The following RAPGEF2 variants were observed in gnomAD, a reference collection of about 807,000 sequenced individuals.
RAPGEF2 encodes the protein PDZ domain containing guanine nucleotide exchange factor (GEF) 1.
RAPGEF2 carries 54 observed loss-of-function variants against 186.7 expected under a neutral mutation model. The observed-to-expected ratio is 0.29, with a 90% CI of 0.23 to 0.36. RAPGEF2 has a LOEUF of 0.36. RAPGEF2 is among the 10% of genes least tolerant of loss of function. The pLI, the probability that RAPGEF2 is intolerant of heterozygous loss-of-function variation, is 1.00. For synonymous variants in RAPGEF2, 712 were observed against 705.9 expected, an observed-to-expected ratio of 1.01 and a Z score of -0.14; for missense variants, 1,532 against 2,045.0, an observed-to-expected ratio of 0.75 and a Z score of 4.84.
intron 3 of RAPGEF2, among the ~76,000 whole-genome samples, chr4:159,206,704 G>C (rs1750027084): frequency 6.6e-6 from 1 of 152,212 alleles, no homozygotes; most frequent in African/African-American, 2.4e-5. Context: ...TAAGTGAAAA[G>C]AGTAAGCGTG....
intron 8 of RAPGEF2, among the ~76,000 whole-genome samples, chr4:159,313,605 T>C (rs1044042285): frequency 6.6e-6 from 1 of 152,216 alleles, no homozygotes; most frequent in African/African-American, 2.4e-5. Flanking sequence ...GAGAATCGTA[T>C]GGGCTATGAT....
intron 7 of RAPGEF2, among the ~76,000 whole-genome samples, chr4:159,254,372 A>G (rs1037391141): frequency 6.6e-6 from 1 of 152,222 alleles, no homozygotes; most frequent in African/African-American, 2.4e-5. Flanking sequence ...GTTTGACTTT[A>G]TGAACTCTTA....
At position 159,103,911 on chromosome 4, in the gene RAPGEF2, A is replaced by G. The variant is rs1737469825; in HGVS notation, c.-252A>G. 1 of 153,870 alleles carries G rather than the reference A, an allele frequency of 6.5e-6. No homozygotes were observed. The highest frequency in any genetic ancestry group is 6.6e-5 in the Admixed American group (1 of 15,264). The allele number at this position is 153,870 out of a possible 1,614,324, so 9.5% of individuals were successfully genotyped here. ...AAGGGGAGTTCCGCCTGCGGGCCGCATCGCACGGCAGCCTAGGGGCGCCGC... is the reference window on the plus strand; with the variant it reads ...AAGGGGAGTTCCGCCTGCGGGCCGCGTCGCACGGCAGCCTAGGGGCGCCGC... On this transcript the variant is annotated 5_prime_UTR_variant, in exon 1 of 30. Transcript: ENST00000691494.
intron 1 of RAPGEF2, among the ~76,000 whole-genome samples, chr4:159,178,088 A>G (rs936180510): frequency 6.6e-5 from 10 of 152,214 alleles, no homozygotes; most frequent in Non-Finnish European, 1.3e-4. Context: ...GACCATTAAG[A>G]AAGACTTTTT....
chr4:159,355,831 T>C (rs1026330960), intron 28 of RAPGEF2, 22 bp from the exon 29 acceptor site: 8 of 1,523,590 alleles, frequency 5.3e-6, no homozygotes, highest in Non-Finnish European at 6.2e-6. Flanking sequence ...TTTTTAATGC[T>C]GGTGCATTGT....
Position 159,286,836 on chromosome 4 carries a change from T to G in RAPGEF2, c.544-17506T>G, listed in dbSNP as rs371315646. On this transcript the variant is annotated intron_variant, in intron 7 of 29. Coordinates refer to ENST00000691494, the MANE Select transcript of RAPGEF2 (RefSeq NM_001394067.2). ...ATTATTCTAATTCTCTGCCAAACAT[T>G]GATTATTATATTTTGGGTTTTTGTT... 5.3e-5 allele frequency among the ~76,000 whole-genome samples: 8 copies of G among 152,334 alleles called. No individual in the cohort carries two copies. The East Asian group carries it at 1.2e-3, about 22-fold the overall frequency.
chr4:159,158,793 A>G (rs909685578), intron 1 of RAPGEF2, among the ~76,000 whole-genome samples: 2 of 152,230 alleles, frequency 1.3e-5, no homozygotes, highest in Non-Finnish European at 1.5e-5. Flanking sequence ...GTTATTTGCC[A>G]GGTTGGACCT....
At chr4:159,288,680 C>T (rs1760806149) in intron 7 of RAPGEF2, among the ~76,000 whole-genome samples, 1 of 152,154 alleles carries the variant, frequency 6.6e-6, no homozygotes, top group African/African-American at 2.4e-5. Context: ...ATTTGTACCA[C>T]TCAGCCTTTC....
intron 19 of RAPGEF2, 152 bp from the exon 20 acceptor site, chr4:159,341,412 A>T: frequency 1.4e-6 from 1 of 727,246 alleles, no homozygotes; most frequent in Non-Finnish European, 2.2e-6. Flanking sequence ...CTGAGATAGC[A>T]GCTGTGCTGT....
chr4:159,253,915 C>A (rs1258059331), intron 7 of RAPGEF2, among the ~76,000 whole-genome samples: 1 of 152,034 alleles, frequency 6.6e-6, no homozygotes, highest in Non-Finnish European at 1.5e-5. Context: ...TGGCAGTGAG[C>A]CTGGGGAACA....
intron 1 of RAPGEF2, among the ~76,000 whole-genome samples, chr4:159,164,926 A>AC (rs1745139593): frequency 6.6e-6 from 1 of 152,222 alleles, no homozygotes; most frequent in South Asian, 2.1e-4. Context: ...TTGCAAGCAC[A>AC]CAGGATGGTA....
intron 3 of RAPGEF2, among the ~76,000 whole-genome samples, chr4:159,198,437 TTTCTTTC>T (rs1749051629): frequency 6.7e-6 from 1 of 150,368 alleles, no homozygotes; most frequent in Non-Finnish European, 1.5e-5. Flanking sequence ...TCTCTCTTTC[TTTCTTTC>T]TTCTTACTGT....
At position 159,248,559 on chromosome 4, in the gene RAPGEF2, A is replaced by G. The variant is rs571989818; in HGVS notation, c.543+4768A>G. Among the ~76,000 whole-genome samples the G allele has an allele frequency of 2.8e-4, 43 of 152,336 alleles. 1 individual carries two copies. The highest frequency in any genetic ancestry group is 4.9e-4 in the Non-Finnish European group (33 of 68,032). The stretch of plus-strand genomic sequence containing the variant: ...CTCTGAACAATGGGTGGATGTAACA[A>G]TACTGTGCTGTGTGTGCTGCAATTT... On this transcript the variant is annotated intron_variant, in intron 7 of 29. Coordinates refer to ENST00000691494, the MANE Select transcript of RAPGEF2 (RefSeq NM_001394067.2).
intron 25 of RAPGEF2, 73 bp from the exon 26 acceptor site, chr4:159,350,063 GT>G: frequency 9.1e-7 from 1 of 1,100,024 alleles, no homozygotes. Flanking sequence ...ACACAAAAAA[GT>G]TTTTTATTCA....
At chr4:159,298,213 T>G (rs749022651) in intron 7 of RAPGEF2, among the ~76,000 whole-genome samples, 1 of 152,168 alleles carries the variant, frequency 6.6e-6, no homozygotes, top group Non-Finnish European at 1.5e-5. Flanking sequence ...CATGACACAT[T>G]TAGAAAACTT....
chr4:159,299,304 G>A (rs992935645), intron 7 of RAPGEF2, among the ~76,000 whole-genome samples: 1 of 151,910 alleles, frequency 6.6e-6, no homozygotes, highest in Admixed American at 6.6e-5. Flanking sequence ...AGATTAGTTT[G>A]GGAAATTATC....
intron 4 of RAPGEF2, among the ~76,000 whole-genome samples, chr4:159,213,430 C>T (rs1579481227): frequency 6.6e-6 from 1 of 152,340 alleles, no homozygotes; most frequent in East Asian, 1.9e-4. Context: ...GTCAACCAAG[C>T]ATTCTCTTGA....
chr4:159,160,580 A>G (rs902651482), intron 1 of RAPGEF2, among the ~76,000 whole-genome samples: 22 of 152,372 alleles, frequency 1.4e-4, no homozygotes, highest in Non-Finnish European at 2.4e-4. Flanking sequence ...TCAACTTCAA[A>G]CTAACTGCAT....
At chr4:159,227,840 C>T (rs1332628540) in intron 4 of RAPGEF2, among the ~76,000 whole-genome samples, 1 of 152,080 alleles carries the variant, frequency 6.6e-6, no homozygotes, top group East Asian at 1.9e-4. Context: ...TAAATTTATT[C>T]TAGTATTTTC....
Sources: allele counts gnomAD v4.1 joint callset (sites outside exome capture counted in the v4.1 genomes callset), GRCh38; gene constraint gnomAD v4.1.1; transcripts MANE v1.5; gene names NCBI Gene and HGNC (gene_info 2026-07-23, HGNC 2026-07-21).